MYCBP2: variants seen among roughly 807,000 people sequenced by gnomAD.
MYCBP2 encodes the protein MYC binding protein 2, also known as E3 ubiquitin-protein ligase MYCBP2.
Under a neutral mutation model 525.3 loss-of-function variants are expected in MYCBP2, and 120 were observed. The ratio of observed to expected loss-of-function variants is 0.23; its 90% CI spans 0.20 to 0.27. The LOEUF is 0.27. Ranked by LOEUF, MYCBP2 falls within the 10% of genes least tolerant of loss-of-function variation. The pLI, the probability that MYCBP2 is intolerant of heterozygous loss-of-function variation, is 1.00. For synonymous variants in MYCBP2, 1,894 were observed against 1,955.8 expected, an observed-to-expected ratio of 0.97 and a Z score of 0.83; for missense variants, 4,149 against 5,657.1, an observed-to-expected ratio of 0.73 and a Z score of 8.55.
rs535330775 is a variant in MYCBP2 at position 77,201,101 on chromosome 13, T to C, written c.3843+4155A>G. Among the ~76,000 whole-genome samples, 22 of 152,316 alleles carry C rather than the reference T, an allele frequency of 1.4e-4. No individual in the cohort carries two copies. The South Asian group carries it at 2.9e-3, about 20-fold the overall frequency. On this transcript the variant is annotated intron_variant, in intron 26 of 82. Coordinates refer to ENST00000544440, the MANE Select transcript of MYCBP2 (RefSeq NM_015057.5). ...CAATTAAAAGACACAGACTGGCACA[T>C]TGGGTAAAGAGTCAAGACCCATCAG...
chr13:77,232,038 A>C (rs1181920216), intron 18 of MYCBP2, among the ~76,000 whole-genome samples: 2 of 152,180 alleles, frequency 1.3e-5, no homozygotes, highest in African/African-American at 2.4e-5. Context: ...ATTTCTGCAG[A>C]GTATATCTTA....
At chr13:77,286,872 G>A (rs2076894454) in intron 3 of MYCBP2, among the ~76,000 whole-genome samples, 1 of 130,170 alleles carries the variant, frequency 7.7e-6, no homozygotes, top group South Asian at 2.5e-4. Context: ...TAAACTGAGA[G>A]TAGTTCTATA....
intron 46 of MYCBP2, among the ~76,000 whole-genome samples, chr13:77,152,554 T>C (rs1419240778): frequency 6.6e-6 from 1 of 152,104 alleles, no homozygotes; most frequent in Non-Finnish European, 1.5e-5. Context: ...CCCTACCCTA[T>C]GCCCCTATAA....
intron 79 of MYCBP2, 118 bp from the exon 80 acceptor site, chr13:77,055,885 T>G (rs1396482654): frequency 3.0e-6 from 2 of 674,622 alleles, no homozygotes; most frequent in African/African-American, 3.6e-5. Context: ...GCACACATAT[T>G]CTAAATAAAA....
Position 77,188,942 on chromosome 13 carries a change from A to G in MYCBP2, c.4251+9T>C. On this transcript the variant is annotated intron_variant, in intron 30 of 82. Coordinates refer to ENST00000544440, the MANE Select transcript of MYCBP2 (RefSeq NM_015057.5). ...GAGAAAAGCTGAAATTTTTTAAAAC[A>G]TGGCTTACCACTGAGACAGTTCTTG... is the stretch of plus-strand genomic sequence containing the variant. The G allele has an allele frequency of 6.3e-7, 1 of 1,578,548 alleles. No individual in the cohort carries two copies. Among genetic ancestry groups the G allele is most frequent in the Non-Finnish European group, 8.6e-7 (1 of 1,166,606 alleles).
chr13:77,076,998 G>A (rs914046402), intron 67 of MYCBP2, 149 bp from the exon 68 acceptor site: 12 of 1,152,106 alleles, frequency 1.0e-5, no homozygotes, highest in Admixed American at 9.9e-5. Context: ...ATGCAACATG[G>A]AACTCAGGTG....
chr13:77,098,326 G>A lies in MYCBP2; in HGVS notation c.8828C>T (p.Thr2943Ile), dbSNP rs2046540772. ...VEVCTSSTLK[T>I]NSLTDSTCDD... The stretch of plus-strand genomic sequence containing the variant: ...GCAGGTGCTGTCTGTTAGACTATTT[G>A]TTTTTAAAGTACTTGAGGTGCAGAC... The change falls in exon 56 of 83, where the codon ACA becomes ATA. Residue 2943 changes from threonine to isoleucine, a missense_variant. Coordinates refer to ENST00000544440, the MANE Select transcript of MYCBP2 (RefSeq NM_015057.5). 6.2e-7 allele frequency: 1 copy of A among 1,611,460 alleles called. No homozygotes were observed. The highest frequency in any genetic ancestry group is 1.3e-5 in the African/African-American group (1 of 74,870).
At chr13:77,276,105 G>C (rs1024846751) in intron 4 of MYCBP2, among the ~76,000 whole-genome samples, 1 of 152,086 alleles carries the variant, frequency 6.6e-6, no homozygotes, top group South Asian at 2.1e-4. Flanking sequence ...CAATAGTATC[G>C]CACATTCTTA....
intron 58 of MYCBP2, among the ~76,000 whole-genome samples, chr13:77,094,558 T>G (rs968329647): frequency 6.6e-6 from 1 of 152,184 alleles, no homozygotes; most frequent in African/African-American, 2.4e-5. Flanking sequence ...ACCAATCACT[T>G]TGAACGGGCT....
At chr13:77,099,675 TTA>T (rs2046769745) in intron 55 of MYCBP2, 1 of 152,302 alleles carries the variant, frequency 6.6e-6, no homozygotes, top group East Asian at 1.9e-4. Context: ...GCTTAGCTGC[TTA>T]GAACTCAGAG....
At chr13:77,133,854 T>C (rs148806068) in intron 52 of MYCBP2, among the ~76,000 whole-genome samples, 70 of 152,308 alleles carry the variant, frequency 4.6e-4, no homozygotes, top group African/African-American at 1.6e-3. Context: ...CCACAACTTA[T>C]CACAATGCAA....
chr13:77,049,540 G>C (rs1345716872), intron 82 of MYCBP2, among the ~76,000 whole-genome samples: 1 of 152,064 alleles, frequency 6.6e-6, no homozygotes, highest in Non-Finnish European at 1.5e-5. Flanking sequence ...TTAGTTTCTT[G>C]AGTATCTTTC....
At position 77,326,405 on chromosome 13, in the gene MYCBP2, G is replaced by A. The variant is rs184370656; in HGVS notation, c.302+69C>T. On this transcript the variant is annotated intron_variant, in intron 1 of 82. Transcript: ENST00000544440. This position sits in a 1 kb window ranked among gnomAD's most constrained non-coding sequence, Gnocchi z 4.2. Reference sequence around the variant, plus strand: ...CACACGCAAGCACACACACACGCGGGTGCACGCGCGGCATGGGGCGCAAGG... The same window carrying A: ...CACACGCAAGCACACACACACGCGGATGCACGCGCGGCATGGGGCGCAAGG... 3.8e-4 allele frequency: 546 copies of A among 1,432,642 alleles called. 1 individual carries two copies. In the East Asian group the frequency reaches 0.012, roughly 31 times the overall value. The allele number at this position is 1,432,642 out of a possible 1,614,324, so 88.7% of individuals were successfully genotyped here.
intron 69 of MYCBP2, among the ~76,000 whole-genome samples, chr13:77,070,291 C>G (rs1181203534): frequency 1.3e-5 from 2 of 152,130 alleles, no homozygotes; most frequent in South Asian, 2.1e-4. Flanking sequence ...ATAAATTTTT[C>G]AAAATACTTT....
chr13:77,073,189 C>T (rs935695450), intron 68 of MYCBP2, among the ~76,000 whole-genome samples: 3 of 151,748 alleles, frequency 2.0e-5, no homozygotes, highest in African/African-American at 7.3e-5. Flanking sequence ...GAACTGTATA[C>T]AAGCTAGTAT....
At chr13:77,118,561 A>G (rs756593583) in intron 55 of MYCBP2, 1 of 743,784 alleles carries the variant, frequency 1.3e-6, no homozygotes. Flanking sequence ...GGCAAAGTAA[A>G]TGGTGCTTTA....
intron 16 of MYCBP2, among the ~76,000 whole-genome samples, 195 bp from the exon 17 acceptor site, chr13:77,243,355 G>A (rs2069222855): frequency 6.6e-6 from 1 of 152,198 alleles, no homozygotes; most frequent in Admixed American, 6.5e-5. Context: ...GCCCACACCT[G>A]TAATCCCAGC....
intron 47 of MYCBP2, among the ~76,000 whole-genome samples, chr13:77,148,882 A>G (rs1326490647): frequency 6.6e-6 from 1 of 152,142 alleles, no homozygotes; most frequent in Admixed American, 6.5e-5. Context: ...TGCAAAACCT[A>G]CAAATTTACT....
At position 77,051,910 on chromosome 13, in the gene MYCBP2, A is replaced by G. The variant is rs2036893666; in HGVS notation, c.13656T>C (p.Phe4552=). Residue 4552 remains phenylalanine, a synonymous_variant, in exon 81 of 83, where the codon TTT becomes TTC. Coordinates refer to ENST00000544440, the MANE Select transcript of MYCBP2 (RefSeq NM_015057.5). ...YVCYKCRKAY[F]GGEARCDAEA... Reference sequence around the variant, plus strand: ...CAGCATCGCAGCGAGCTTCACCACCAAAATATGCCTGTGGAGAAAACACAT... The same window carrying G: ...CAGCATCGCAGCGAGCTTCACCACCGAAATATGCCTGTGGAGAAAACACAT... 1 of 1,613,834 alleles carries G rather than the reference A, an allele frequency of 6.2e-7. No individual in the cohort carries two copies. Among genetic ancestry groups the G allele is most frequent in the Non-Finnish European group, 8.5e-7 (1 of 1,179,754 alleles).
Sources: gnomAD v4.1 joint callset for allele counts (sites outside exome capture counted in the v4.1 genomes callset) on GRCh38, gnomAD v4.1.1 for gene constraint, Gnocchi (gnomAD v3.1) non-coding constraint, MANE v1.5 for transcripts, NCBI Gene and HGNC (gene_info 2026-07-23, HGNC 2026-07-21) for gene names.